The following TASP1 variants were observed in gnomAD, a reference collection of about 807,000 sequenced individuals.
The protein encoded by TASP1 is threonine aspartase 1.
Under a neutral mutation model 56.6 loss-of-function variants are expected in TASP1, and 16 were observed. The ratio of observed to expected loss-of-function variants is 0.28; its 90% confidence interval spans 0.19 to 0.43. The LOEUF (loss-of-function observed/expected upper bound fraction) is 0.43. TASP1 is among the 20% of genes least tolerant of loss of function. The pLI is 1.00. For missense variants in TASP1, 393 were observed against 511.6 expected, an observed-to-expected ratio of 0.77 and a Z score of 2.24; for synonymous variants, 179 against 184.2, an observed-to-expected ratio of 0.97 and a Z score of 0.23.
At chr20:13,492,867 T>A (rs1318279945) in intron 10 of TASP1, among the ~76,000 whole-genome samples, 1 of 152,232 alleles carries the variant, frequency 6.6e-6, no homozygotes, top group Non-Finnish European at 1.5e-5. Flanking sequence ...GATTGATATA[T>A]GCGTTAGCAT....
At chr20:13,588,588 C>T (rs1042152617) in intron 4 of TASP1, among the ~76,000 whole-genome samples, 1 of 151,808 alleles carries the variant, frequency 6.6e-6, no homozygotes, top group African/African-American at 2.4e-5. Context: ...AACAAAAAAA[C>T]AGAAATACAT....
chr20:13,220,328 G>A, the TASP1 span, among the ~76,000 whole-genome samples: 1 of 152,226 alleles, frequency 6.6e-6, no homozygotes, highest in Non-Finnish European at 1.5e-5. Context: ...CTGACGCTCG[G>A]ACTCCGCGCC....
chr20:13,117,800 T>A, the TASP1 span: 2 of 1,374,384 alleles, frequency 1.5e-6, no homozygotes, highest in East Asian at 4.6e-5. Context: ...TTCTCTGAAT[T>A]TCATGAAAGC....
intron 2 of TASP1, among the ~76,000 whole-genome samples, chr20:13,626,285 A>G (rs1332879261): frequency 4.6e-5 from 7 of 152,072 alleles, no homozygotes; most frequent in Non-Finnish European, 1.0e-4. Context: ...AAAGTAGCCA[A>G]GCATGGTGGC....
At chr20:13,597,157 A>G (rs1299813609) in intron 4 of TASP1, among the ~76,000 whole-genome samples, 1 of 152,246 alleles carries the variant, frequency 6.6e-6, no homozygotes, top group African/African-American at 2.4e-5. Context: ...ATAGAAAAAG[A>G]GAGAATCCTC....
At chr20:13,632,941 A>C (rs1408377981) in intron 1 of TASP1, among the ~76,000 whole-genome samples, 4 of 152,230 alleles carry the variant, frequency 2.6e-5, no homozygotes, top group African/African-American at 9.6e-5. Context: ...ATGCAAAATA[A>C]AATTACACTT....
chr20:13,541,923 T>C (rs562069293), intron 8 of TASP1, among the ~76,000 whole-genome samples: 4 of 151,568 alleles, frequency 2.6e-5, no homozygotes, highest in South Asian at 4.2e-4. Context: ...TGTGTGCCCA[T>C]AGTCCCAGCT....
chr20:13,634,384 T>C (rs1043869175), intron 1 of TASP1, among the ~76,000 whole-genome samples: 2 of 151,928 alleles, frequency 1.3e-5, no homozygotes, highest in African/African-American at 4.8e-5. Context: ...GGATGGAAGG[T>C]AGGGTGATGG....
chr20:13,576,456 T>A (rs1037643740), intron 6 of TASP1, among the ~76,000 whole-genome samples: 1 of 152,146 alleles, frequency 6.6e-6, no homozygotes, highest in East Asian at 1.9e-4. Flanking sequence ...CAAATTCCCA[T>A]GATAGAATGT....
At chr20:13,520,096 C>A (rs2044684504) in intron 10 of TASP1, among the ~76,000 whole-genome samples, 1 of 152,146 alleles carries the variant, frequency 6.6e-6, no homozygotes. Flanking sequence ...AGGAGAACTA[C>A]AAACCACTGC....
At position 13,435,028 on chromosome 20, in the gene TASP1, T is replaced by C. The variant is rs2146190695; in HGVS notation, c.1096+16A>G. The C allele has an allele frequency of 6.4e-7, 1 of 1,563,810 alleles. No individual in the cohort carries two copies. The highest frequency in any genetic ancestry group is 1.2e-5 in the South Asian group (1 of 86,870). On this transcript the variant is annotated intron_variant, in intron 12 of 13. Coordinates refer to ENST00000337743, the MANE Select transcript of TASP1 (RefSeq NM_017714.3). ...AAAAAATAGAAAGACACACACAATG[T>C]ATATGTCTCACTTACCTAGAAGTGT...
intron 8 of TASP1, among the ~76,000 whole-genome samples, chr20:13,548,432 T>C (rs959473054): frequency 1.3e-5 from 2 of 151,962 alleles, no homozygotes; most frequent in South Asian, 2.1e-4. Flanking sequence ...CTGGAACAGG[T>C]TGGGACATAA....
chr20:13,281,315 T>C, the TASP1 span, among the ~76,000 whole-genome samples: 1 of 152,174 alleles, frequency 6.6e-6, no homozygotes, highest in Non-Finnish European at 1.5e-5. Context: ...GAAAGAGAAC[T>C]CTAGAAGGGA....
chr20:13,435,224 T>C, intron 11 of TASP1, 70 bp from the exon 12 acceptor site: 3 of 1,161,714 alleles, frequency 2.6e-6, no homozygotes, highest in Non-Finnish European at 3.7e-6. Context: ...TTCATTTGAT[T>C]ATTAGAACAA....
chr20:13,127,679 C>A, the TASP1 span, among the ~76,000 whole-genome samples: 2 of 152,132 alleles, frequency 1.3e-5, no homozygotes, highest in African/African-American at 2.4e-5. Flanking sequence ...ACTGATACCC[C>A]CTGGGGCCCT....
intron 11 of TASP1, among the ~76,000 whole-genome samples, chr20:13,443,136 T>C (rs2043283158): frequency 1.3e-5 from 2 of 152,206 alleles, no homozygotes; most frequent in Admixed American, 1.3e-4. Flanking sequence ...AAGACTATCA[T>C]GTGGAACAAG....
the TASP1 span, among the ~76,000 whole-genome samples, chr20:13,200,379 T>C: frequency 6.6e-5 from 10 of 152,330 alleles, no homozygotes; most frequent in East Asian, 1.7e-3. Context: ...TCATCTCTAC[T>C]GCAGGTAGCT....
chr20:13,289,663 AGGAGGAGGAGGG>A, the TASP1 span, among the ~76,000 whole-genome samples: 30,912 of 151,676 alleles, frequency 0.2, 3,321 homozygotes, highest in South Asian at 0.27. Context: ...GAAGAGAAGG[AGGAGGAGGAGGG>A]GGAGGAGGAG....
chr20:13,155,634 G>A, the TASP1 span, among the ~76,000 whole-genome samples: 1 of 152,074 alleles, frequency 6.6e-6, no homozygotes, highest in African/African-American at 2.4e-5. Context: ...AAACCATCCT[G>A]GCCAACATGG....
Sources: gnomAD v4.1 joint callset for allele counts (sites outside exome capture counted in the v4.1 genomes callset) on GRCh38, gnomAD v4.1.1 for gene constraint, MANE v1.5 for transcripts, NCBI Gene and HGNC (gene_info 2026-07-23, HGNC 2026-07-21) for gene names.